Variants in TNFRSF11A observed in about 807,000 individuals in gnomAD.
TNFRSF11A encodes the protein TNF receptor superfamily member 11a.
Under a neutral mutation model 55.7 loss-of-function variants are expected in TNFRSF11A, and 32 were observed. That is an observed-to-expected ratio of 0.57 (90% confidence interval 0.43 to 0.77). The LOEUF is 0.77. TNFRSF11A is among the 30% of genes least tolerant of loss of function. The pLI, the probability that TNFRSF11A is intolerant of heterozygous loss-of-function variation, is 0.00. For synonymous variants in TNFRSF11A, 311 were observed against 331.0 expected (o/e 0.94, Z 0.65); for missense variants, 753 against 809.8 (o/e 0.93, Z 0.85).
chr18:62,351,328 T>C (rs1400492281), intron 3 of TNFRSF11A, among the ~76,000 whole-genome samples: 1 of 152,240 alleles, frequency 6.6e-6, no homozygotes, highest in Non-Finnish European at 1.5e-5. Context: ...AATTGGTTGT[T>C]AGATCAATTT....
chr18:62,334,310 C>T (rs1240645003), intron 1 of TNFRSF11A, among the ~76,000 whole-genome samples: 1 of 152,194 alleles, frequency 6.6e-6, no homozygotes, highest in African/African-American at 2.4e-5. Flanking sequence ...TCTTGAATCA[C>T]CACCACTTCC....
chr18:62,330,745 G>GC (rs1364833877), intron 1 of TNFRSF11A: 1 of 152,818 alleles, frequency 6.5e-6, no homozygotes, highest in Non-Finnish European at 1.5e-5. Flanking sequence ...GTGGGGCTGT[G>GC]CAGGGGCAGA....
chr18:62,369,198 CA>C lies in TNFRSF11A; in HGVS notation c.1282del (p.Ser428ValfsTer98). 1 of 1,613,922 alleles carries C rather than the reference CA, an allele frequency of 6.2e-7. No homozygotes were observed. Among genetic ancestry groups the C allele is most frequent in the Non-Finnish European group, 8.5e-7 (1 of 1,180,064 alleles). On this transcript the variant is annotated frameshift_variant, in exon 9 of 10. Coordinates refer to ENST00000586569, the MANE Select transcript of TNFRSF11A (RefSeq NM_003839.4). LOFTEE classifies it high-confidence loss of function. The stretch of plus-strand genomic sequence containing the variant: ...AAAACTACTTGCAAAAAGAGGTGGA[CA>C]GTGGCCATTGCCCGCACTGGGCAGC... ...SENYLQKEVD[S>X]GHCPHWAASP...
chr18:62,332,002 T>G (rs1040367353), intron 1 of TNFRSF11A, among the ~76,000 whole-genome samples: 21 of 152,184 alleles, frequency 1.4e-4, no homozygotes, highest in African/African-American at 5.1e-4. Context: ...TAATAATAAC[T>G]TATTACATTT....
chr18:62,384,728 G>T, intron 9 of TNFRSF11A, 23 bp from the exon 10 acceptor site: 1 of 1,607,658 alleles, frequency 6.2e-7, no homozygotes, highest in South Asian at 1.1e-5. Context: ...CCCTCCCCGT[G>T]TTCTCCCTTC....
intron 3 of TNFRSF11A, among the ~76,000 whole-genome samples, chr18:62,352,775 G>A (rs1227004092): frequency 6.6e-6 from 1 of 152,136 alleles, no homozygotes; most frequent in Admixed American, 6.5e-5. Flanking sequence ...GGAAGAGTGG[G>A]CACTGCAGGA....
At position 62,369,150 on chromosome 18, in the gene TNFRSF11A, T is replaced by A. The variant is rs1173387965; in HGVS notation, c.1233T>A (p.Thr411=). 1.2e-6 allele frequency: 2 copies of A among 1,614,022 alleles called. No individual in the cohort carries two copies. The highest frequency in any genetic ancestry group is 1.7e-6 in the Non-Finnish European group (2 of 1,180,040). ...ACTGCACTGAGCCCCTGTGCAGGACTGATTGGACTCCCATGTCCTCTGAAA... is the reference window on the plus strand; with the variant it reads ...ACTGCACTGAGCCCCTGTGCAGGACAGATTGGACTCCCATGTCCTCTGAAA... ...SCNCTEPLCR[T]DWTPMSSENY... Residue 411 remains threonine, a synonymous_variant, in exon 9 of 10, where the codon ACT becomes ACA. Transcript: ENST00000586569.
At chr18:62,352,036 TC>T (rs1022133153) in intron 3 of TNFRSF11A, among the ~76,000 whole-genome samples, 1 of 152,174 alleles carries the variant, frequency 6.6e-6, no homozygotes, top group East Asian at 1.9e-4. Context: ...CCTCAAGGGA[TC>T]CCCCCGCCTC....
At chr18:62,351,633 G>T (rs1040115701) in intron 3 of TNFRSF11A, among the ~76,000 whole-genome samples, 4 of 152,112 alleles carry the variant, frequency 2.6e-5, no homozygotes, top group African/African-American at 9.7e-5. Context: ...TAAAGTTACT[G>T]CATTTATCCT....
chr18:62,337,588 C>T (rs543687790), intron 1 of TNFRSF11A, among the ~76,000 whole-genome samples: 1 of 152,320 alleles, frequency 6.6e-6, no homozygotes, highest in Non-Finnish European at 1.5e-5. Context: ...CTGTAATCCT[C>T]CTCCTGGCAC....
intron 1 of TNFRSF11A, among the ~76,000 whole-genome samples, chr18:62,329,474 C>T (rs374304046): frequency 2.0e-5 from 3 of 152,188 alleles, no homozygotes; most frequent in Admixed American, 1.3e-4. Context: ...ATTCTCTGCC[C>T]GGATTGTGGG....
chr18:62,382,856 A>G (rs1468962659), intron 9 of TNFRSF11A, among the ~76,000 whole-genome samples: 2 of 152,116 alleles, frequency 1.3e-5, no homozygotes, highest in Admixed American at 6.6e-5. Flanking sequence ...CATTCACTTT[A>G]GTTTTCATAG....
At chr18:62,343,240 C>T (rs565558842) in intron 1 of TNFRSF11A, among the ~76,000 whole-genome samples, 1 of 152,306 alleles carries the variant, frequency 6.6e-6, no homozygotes, top group Admixed American at 6.5e-5. Context: ...AAAACAAAAT[C>T]TATGGAAAAT....
At chr18:62,342,247 C>T (rs1278456277) in intron 1 of TNFRSF11A, among the ~76,000 whole-genome samples, 6 of 151,304 alleles carry the variant, frequency 4.0e-5, no homozygotes, top group African/African-American at 1.5e-4. Context: ...CCAAAAAATA[C>T]AAAAATTAGC....
intron 9 of TNFRSF11A, among the ~76,000 whole-genome samples, chr18:62,382,661 G>C (rs1475536578): frequency 6.6e-6 from 1 of 152,090 alleles, no homozygotes; most frequent in Non-Finnish European, 1.5e-5. Flanking sequence ...TCTGCGGGGG[G>C]AGTGGAACCA....
Position 62,348,257 on chromosome 18 carries a change from T to G in TNFRSF11A, c.157+8T>G. Reference sequence around the variant, plus strand: ...GTAACAAATGTGAACCAGGTACACCTGCTTCTGAGCCACCTTGCATTGCCC... The same window carrying G: ...GTAACAAATGTGAACCAGGTACACCGGCTTCTGAGCCACCTTGCATTGCCC... On this transcript the variant is annotated splice_region_variant and intron_variant, in intron 2 of 9. Coordinates refer to ENST00000586569, the MANE Select transcript of TNFRSF11A (RefSeq NM_003839.4). 6.2e-7 allele frequency: 1 copy of G among 1,613,366 alleles called. No homozygotes were observed. The highest frequency in any genetic ancestry group is 8.5e-7 in the Non-Finnish European group (1 of 1,179,338).
chr18:62,363,437 C>G (rs527348999), intron 7 of TNFRSF11A, among the ~76,000 whole-genome samples: 2 of 142,954 alleles, frequency 1.4e-5, no homozygotes, highest in African/African-American at 5.2e-5. Flanking sequence ...GGTGTGATCT[C>G]AGCTCACTGC....
intron 6 of TNFRSF11A, among the ~76,000 whole-genome samples, chr18:62,361,190 G>C (rs943382269): frequency 6.6e-6 from 1 of 152,070 alleles, no homozygotes; most frequent in Non-Finnish European, 1.5e-5. Context: ...GGGATGAAGA[G>C]AACAGTTGGG....
intron 3 of TNFRSF11A, among the ~76,000 whole-genome samples, chr18:62,353,192 A>G (rs1437397162): frequency 6.6e-6 from 1 of 152,182 alleles, no homozygotes; most frequent in East Asian, 1.9e-4. Flanking sequence ...CTCCAGTCAC[A>G]CTGTCACGGA....
Sources: allele counts gnomAD v4.1 joint callset (sites outside exome capture counted in the v4.1 genomes callset), GRCh38; gene constraint gnomAD v4.1.1; transcripts MANE v1.5; gene names NCBI Gene and HGNC (gene_info 2026-07-23, HGNC 2026-07-21).